The following PPP2R1B variants were observed in gnomAD, a reference collection of about 807,000 sequenced individuals.
PPP2R1B encodes the protein serine/threonine-protein phosphatase 2A 65 kDa regulatory subunit A beta isoform.
PPP2R1B carries 58 observed loss-of-function variants against 72.7 expected under a neutral mutation model. That is an observed-to-expected ratio of 0.80 (90% CI 0.65 to 0.99). The LOEUF is 0.99. Ranked by LOEUF, PPP2R1B falls within the 50% of genes least tolerant of loss-of-function variation. PPP2R1B has a pLI of 0.00. For missense variants in PPP2R1B, 695 were observed against 733.6 expected (o/e 0.95, Z 0.61); for synonymous variants, 256 against 264.6 (o/e 0.97, Z 0.32).
At chr11:111,700,847 G>A in the PPP2R1B span, 2 of 1,609,662 alleles carry the variant, frequency 1.2e-6, no homozygotes, top group Non-Finnish European at 1.7e-6. Context: ...TATAGTTTGA[G>A]AGCATAGATG....
Position 111,740,857 on chromosome 11 carries a change from A to T in PPP2R1B, c.*739T>A. 4.1e-6 allele frequency: 4 copies of T among 985,492 alleles called. No individual in the cohort carries two copies. The highest frequency in any genetic ancestry group is 4.8e-6 in the Non-Finnish European group (4 of 829,952). 61.0% of individuals were successfully genotyped at this position (985,492 alleles called of 1,614,324 possible). A position where few individuals can be genotyped will look rare whatever the true frequency, so the allele number is the denominator to read the frequency against. On this transcript the variant is annotated 3_prime_UTR_variant, in exon 15 of 15. Coordinates refer to ENST00000527614, the MANE Select transcript of PPP2R1B (RefSeq NM_002716.5). ...GCTTATTAGGAGGCACTACAGTTAA[A>T]GCTTTTTAGAAAAGAGAGAGAAGTA... is the stretch of plus-strand genomic sequence containing the variant.
chr11:111,722,837 T>C, downstream of PPP2R1B: 1 of 1,327,000 alleles, frequency 7.5e-7, no homozygotes, highest in Non-Finnish European at 1.1e-6. This position sits in a 1 kb window ranked among gnomAD's most constrained non-coding sequence, Gnocchi z 4.4. Context: ...CCTTTTCCTC[T>C]CACATTCGCC....
In PPP2R1B at chr11:111,760,905, A is replaced by T. The variant is rs545584093; in HGVS notation, c.453T>A (p.Asp151Glu). The change falls in exon 4 of 15, where the codon GAT becomes GAA. Residue 151 changes from aspartate to glutamate, a missense_variant. By Grantham distance (45) the Asp-to-Glu change is conservative. Transcript: ENST00000527614. Reference protein sequence around the residue: ...VPLVKRLASGDWFTSRTSACG... With the variant: ...VPLVKRLASGEWFTSRTSACG... ...ATGCAGATGTGCGAGAGGTGAACCA[A>T]TCCCCACTTGCTAAGCGTTTCACCA... is the stretch of plus-strand genomic sequence containing the variant. 28 of 1,614,184 alleles carry T rather than the reference A, an allele frequency of 1.7e-5. No homozygotes were observed. The Admixed American group carries it at 4.3e-4, about 25-fold the overall frequency.
chr11:111,715,458 G>A, the PPP2R1B span, among the ~76,000 whole-genome samples: 1 of 152,100 alleles, frequency 6.6e-6, no homozygotes, highest in Non-Finnish European at 1.5e-5. Context: ...TCTCAACTGG[G>A]GACAGGTATT....
intron 9 of PPP2R1B, 85 bp from the exon 10 acceptor site, chr11:111,752,417 G>T: frequency 7.4e-7 from 1 of 1,347,720 alleles, no homozygotes. Flanking sequence ...GATAAAAGGT[G>T]AGGTAAGACT....
the PPP2R1B span, chr11:111,701,372 A>G: frequency 3.0e-5 from 45 of 1,507,370 alleles, no homozygotes; most frequent in Non-Finnish European, 3.6e-5. The surrounding 1 kb of genome is among the most constrained non-coding windows in gnomAD (Gnocchi z 4.2). Context: ...TATGATTTCA[A>G]GAGCCCTGGG....
At chr11:111,765,746 G>T in intron 1 of PPP2R1B, 1 of 481,752 alleles carries the variant, frequency 2.1e-6, no homozygotes, top group Non-Finnish European at 4.1e-6. Context: ...TTCCCACAGA[G>T]CGGATACACT....
chr11:111,709,243 T>A, the PPP2R1B span, among the ~76,000 whole-genome samples: 3 of 152,146 alleles, frequency 2.0e-5, no homozygotes, highest in Non-Finnish European at 4.4e-5. Context: ...ATCTCTGGTG[T>A]CTCTCCCTCC....
chr11:111,703,137 G>A, the PPP2R1B span: 4 of 1,455,994 alleles, frequency 2.7e-6, no homozygotes, highest in Non-Finnish European at 3.8e-6. Context: ...AGTCACATGA[G>A]TCAAGCAAAT....
intron 5 of PPP2R1B, among the ~76,000 whole-genome samples, chr11:111,757,017 G>A (rs1235121277): frequency 6.6e-6 from 1 of 152,012 alleles, no homozygotes; most frequent in African/African-American, 2.4e-5. Flanking sequence ...AGGTGGCTGA[G>A]GCAGCAGAAT....
intron 3 of PPP2R1B, among the ~76,000 whole-genome samples, chr11:111,762,253 T>C (rs1202910303): frequency 2.6e-5 from 4 of 152,306 alleles, no homozygotes; most frequent in Non-Finnish European, 5.9e-5. Context: ...GAAGTGTGTC[T>C]AATAATATAT....
At chr11:111,734,147 C>A (rs1041237637), downstream of PPP2R1B, among the ~76,000 whole-genome samples, 3 of 152,190 alleles carry the variant, frequency 2.0e-5, no homozygotes, top group Non-Finnish European at 4.4e-5. Flanking sequence ...ACCCCCACTC[C>A]CCTGGAGGGC....
Position 111,765,150 on chromosome 11 carries a change from C to A in PPP2R1B, c.205+144G>T, listed in dbSNP as rs1462248412. 3.0e-6 allele frequency: 3 copies of A among 989,304 alleles called. No individual in the cohort carries two copies. The African/African-American group carries it at 4.9e-5, about 16-fold the overall frequency. The allele number at this position is 989,304 out of a possible 1,614,324, so 61.3% of individuals were successfully genotyped here. ...GATGTTTGAATATATCTAGCCACAA[C>A]TAACAATATACTCTGTTCTGTTTCT... On this transcript the variant is annotated intron_variant, in intron 2 of 14. Transcript: ENST00000527614.
chr11:111,749,129 G>A (rs1262401557), intron 10 of PPP2R1B, among the ~76,000 whole-genome samples: 2 of 152,088 alleles, frequency 1.3e-5, no homozygotes, highest in Non-Finnish European at 2.9e-5. Context: ...ACAGGCATGA[G>A]CCACCGCACC....
At chr11:111,766,047 A>C (rs2136125798) in intron 1 of PPP2R1B, 1 of 604,382 alleles carries the variant, frequency 1.7e-6, no homozygotes, top group East Asian at 2.9e-5. Context: ...GTCCGAAGCA[A>C]GGTTACTAGA....
At chr11:111,735,772 G>C (rs148885015), downstream of PPP2R1B, among the ~76,000 whole-genome samples, 1 of 152,166 alleles carries the variant, frequency 6.6e-6, no homozygotes, top group African/African-American at 2.4e-5. Flanking sequence ...GCGCGCTCAC[G>C]CTCACCCCAT....
chr11:111,701,161 A>C, the PPP2R1B span: 1 of 1,130,954 alleles, frequency 8.8e-7, no homozygotes. This position sits in a 1 kb window ranked among gnomAD's most constrained non-coding sequence, Gnocchi z 4.2. Flanking sequence ...AGCATCTTGA[A>C]ATGGATCCCT....
rs113600446 is a variant in PPP2R1B, at chr11:111,759,470, A to G, written c.687+334T>C. On this transcript the variant is annotated intron_variant, in intron 5 of 14. Coordinates refer to ENST00000527614, the MANE Select transcript of PPP2R1B (RefSeq NM_002716.5). ...TATCTGAAAAGTCAAAAATTCCAGG[A>G]AACATTACTCCCTCATATTACAATA... Among the ~76,000 whole-genome samples, 789 of 152,336 alleles carry G rather than the reference A, an allele frequency of 5.2e-3. 2 individuals are homozygous for G. Among genetic ancestry groups the G allele is most frequent in the Non-Finnish European group, 9.2e-3 (628 of 68,026 alleles).
chr11:111,702,428 G>GT, the PPP2R1B span, among the ~76,000 whole-genome samples: 1 of 151,906 alleles, frequency 6.6e-6, no homozygotes, highest in South Asian at 2.1e-4. Flanking sequence ...CTACAAAAAA[G>GT]TTTTTTTTCA....
Sources: gnomAD v4.1 joint callset for allele counts (sites outside exome capture counted in the v4.1 genomes callset) on GRCh38, gnomAD v4.1.1 for gene constraint, Gnocchi (gnomAD v3.1) non-coding constraint, MANE v1.5 for transcripts, NCBI Gene and HGNC (gene_info 2026-07-23, HGNC 2026-07-21) for gene names.